Variants in GATAD2A observed in about 807,000 individuals in gnomAD.
GATAD2A encodes transcriptional repressor p66-alpha.
GATAD2A carries 12 observed loss-of-function variants against 68.5 expected under a neutral mutation model. The observed-to-expected ratio is 0.18, with a 90% CI of 0.11 to 0.28. GATAD2A has a LOEUF of 0.28. Among genes scored for constraint, GATAD2A ranks in the 10% least tolerant of loss-of-function variants. GATAD2A has a pLI of 1.00. For missense variants in GATAD2A, 755 were observed against 868.5 expected, an observed-to-expected ratio of 0.87 and a Z score of 1.64; for synonymous variants, 410 against 375.3, an observed-to-expected ratio of 1.09 and a Z score of -1.07.
intron 1 of GATAD2A, among the ~76,000 whole-genome samples, chr19:19,462,347 G>T (rs1647023890): frequency 6.6e-6 from 1 of 152,230 alleles, no homozygotes; most frequent in Admixed American, 6.5e-5. Context: ...CATTGGTCTT[G>T]GCAGTGGAGG....
At chr19:19,436,696 A>G (rs1600119367) in intron 1 of GATAD2A, among the ~76,000 whole-genome samples, 1 of 152,380 alleles carries the variant, frequency 6.6e-6, no homozygotes, top group East Asian at 1.9e-4. Context: ...GCTCTTAGGC[A>G]GAGACTGTCA....
rs559418025 is a variant in GATAD2A, at chr19:19,455,319, G to A, written c.-6-10021G>A. ...AGCCTGGGCAACACAGTGAAACCCC[G>A]TCTCTACTAAAATACAAAAAGTTAG... is the stretch of plus-strand genomic sequence containing the variant. On this transcript the variant is annotated intron_variant, in intron 1 of 11. Coordinates refer to ENST00000683918, the MANE Select transcript of GATAD2A (RefSeq NM_001384528.1). 5.9e-5 allele frequency among the ~76,000 whole-genome samples: 9 copies of A among 152,046 alleles called. No homozygotes were observed. The East Asian group carries it at 1.2e-3, about 20-fold the overall frequency.
chr19:19,411,368 T>C (rs753014013), intron 1 of GATAD2A, among the ~76,000 whole-genome samples: 4 of 152,186 alleles, frequency 2.6e-5, no homozygotes, highest in Admixed American at 6.5e-5. Context: ...GAAGCCAGCA[T>C]CCGGACTTCC....
upstream of GATAD2A, among the ~76,000 whole-genome samples, chr19:19,405,273 G>C (rs2050085150): frequency 6.6e-6 from 1 of 152,222 alleles, no homozygotes; most frequent in Non-Finnish European, 1.5e-5. Flanking sequence ...TCCCAGAGAA[G>C]AGCTTCCGCG....
chr19:19,457,162 G>A (rs2057009522), intron 1 of GATAD2A: 1 of 985,114 alleles, frequency 1.0e-6, no homozygotes, highest in Admixed American at 6.2e-5. Context: ...TGACACTCTT[G>A]CAGAAGTGGG....
intron 10 of GATAD2A, 78 bp downstream of exon 10, chr19:19,502,121 TG>T: frequency 1.9e-6 from 2 of 1,079,596 alleles, no homozygotes; most frequent in Non-Finnish European, 2.8e-6. Flanking sequence ...ACTGTCACGC[TG>T]CCTCTTCTGT....
At chr19:19,464,845 G>T (rs1374506177) in intron 1 of GATAD2A, 1 of 181,746 alleles carries the variant, frequency 5.5e-6, no homozygotes, top group African/African-American at 2.4e-5. Context: ...AAGGGGAGAA[G>T]CTGGGGTTAA....
chr19:19,501,464 C>A, intron 9 of GATAD2A, 48 bp downstream of exon 9: 5 of 1,437,752 alleles, frequency 3.5e-6, no homozygotes, highest in Non-Finnish European at 4.7e-6. Flanking sequence ...AGGCAGAGGC[C>A]GTTCCGCGAT....
chr19:19,448,182 C>T (rs1419002373), intron 1 of GATAD2A, among the ~76,000 whole-genome samples: 2 of 152,248 alleles, frequency 1.3e-5, no homozygotes, highest in African/African-American at 2.4e-5. Flanking sequence ...CTCACAGTGA[C>T]GTCCTACAGC....
intron 1 of GATAD2A, among the ~76,000 whole-genome samples, chr19:19,455,006 G>A (rs1000045565): frequency 6.6e-6 from 1 of 152,100 alleles, no homozygotes; most frequent in African/African-American, 2.4e-5. Flanking sequence ...TGTACAGTTG[G>A]GCCTCCATAT....
chr19:19,444,367 A>G (rs1600142025), intron 1 of GATAD2A, among the ~76,000 whole-genome samples: 1 of 151,794 alleles, frequency 6.6e-6, no homozygotes, highest in Non-Finnish European at 1.5e-5. Context: ...AGGGACTTCA[A>G]CCCTGCCTCT....
intron 7 of GATAD2A, among the ~76,000 whole-genome samples, chr19:19,497,623 G>T (rs982166310): frequency 6.6e-6 from 1 of 152,154 alleles, no homozygotes; most frequent in African/African-American, 2.4e-5. Context: ...TTCTTGGGGG[G>T]TGGGACCCTG....
intron 2 of GATAD2A, among the ~76,000 whole-genome samples, chr19:19,469,194 G>C (rs920546539): frequency 6.6e-6 from 1 of 152,146 alleles, no homozygotes; most frequent in African/African-American, 2.4e-5. Flanking sequence ...CACTTTGGGA[G>C]GCTGAGGCAG....
At chr19:19,460,280 CTG>C (rs2057313192) in intron 1 of GATAD2A, among the ~76,000 whole-genome samples, 1 of 152,196 alleles carries the variant, frequency 6.6e-6, no homozygotes, top group Non-Finnish European at 1.5e-5. Context: ...AGAGGCCCAT[CTG>C]TGCTGTGCAT....
intron 2 of GATAD2A, among the ~76,000 whole-genome samples, chr19:19,487,781 G>A (rs147272066): frequency 1.5e-3 from 226 of 152,304 alleles, no homozygotes; most frequent in Middle Eastern, 6.8e-3. Flanking sequence ...TTCATGTCAG[G>A]TAGGGCCTGG....
Position 19,408,340 on chromosome 19 carries a change from C to G in GATAD2A, c.-7+2321C>G, listed in dbSNP as rs191687873. On this transcript the variant is annotated intron_variant, in intron 1 of 11. Coordinates refer to ENST00000683918, the MANE Select transcript of GATAD2A (RefSeq NM_001384528.1). The stretch of plus-strand genomic sequence containing the variant: ...CATTTTTTAAAATGTCAAGTCATCT[C>G]TATTAATGCAGTATCATTTGGCAAA... Among the ~76,000 whole-genome samples, 11 of 152,230 alleles carry G rather than the reference C, an allele frequency of 7.2e-5. No individual in the cohort carries two copies. In the East Asian group the frequency reaches 2.1e-3, roughly 29 times the overall value.
chr19:19,394,218 G>A (rs554360953), intron 1 of GATAD2A, among the ~76,000 whole-genome samples: 23 of 152,086 alleles, frequency 1.5e-4, no homozygotes, highest in African/African-American at 5.1e-4. Flanking sequence ...CAGTGGAGAC[G>A]TGTTTTTGGA....
intron 2 of GATAD2A, among the ~76,000 whole-genome samples, chr19:19,491,402 TC>T (rs1159158170): frequency 6.6e-6 from 1 of 152,082 alleles, no homozygotes; most frequent in Non-Finnish European, 1.5e-5. Flanking sequence ...GGAAGTGAGC[TC>T]CCCAGACCGT....
At chr19:19,496,551 G>A (rs2060162825) in intron 7 of GATAD2A, among the ~76,000 whole-genome samples, 1 of 152,258 alleles carries the variant, frequency 6.6e-6, no homozygotes, top group South Asian at 2.1e-4. Flanking sequence ...AGGTTTAGGG[G>A]GATAGTCGAG....
Sources: gnomAD v4.1 joint callset for allele counts (sites outside exome capture counted in the v4.1 genomes callset) on GRCh38, gnomAD v4.1.1 for gene constraint, MANE v1.5 for transcripts, NCBI Gene and HGNC (gene_info 2026-07-23, HGNC 2026-07-21) for gene names.